The following NLRP5 variants were observed in gnomAD, a reference collection of about 807,000 sequenced individuals.
NLRP5 encodes the protein NLR family pyrin domain containing 5, also known as NACHT, LRR and PYD domains-containing protein 5.
In NLRP5, 93 loss-of-function variants were observed where a neutral mutation model predicts 113.1. That is an observed-to-expected ratio of 0.82 (90% CI 0.70 to 0.98). NLRP5 has a LOEUF of 0.98. NLRP5 is among the 50% of genes least tolerant of loss of function. The probability of loss-of-function intolerance (pLI) is 0.00; values close to 1 mark genes in which losing one functional copy is unlikely to be tolerated. For missense variants in NLRP5, 1,808 were observed against 1,514.3 expected (o/e 1.19, Z -3.22); for synonymous variants, 751 against 600.7 (o/e 1.25, Z -3.66).
At chr19:56,017,537 G>C (rs938067590) in intron 4 of NLRP5, among the ~76,000 whole-genome samples, 1 of 151,986 alleles carries the variant, frequency 6.6e-6, no homozygotes, top group African/African-American at 2.4e-5. Context: ...GTTGAGGATC[G>C]TGTGGCTTCA....
At chr19:56,020,683 C>T (rs1982579507) in intron 6 of NLRP5, among the ~76,000 whole-genome samples, 1 of 150,238 alleles carries the variant, frequency 6.7e-6, no homozygotes. Context: ...CTAGGGGACT[C>T]GAATCAATCA....
rs755509701 is a variant in NLRP5, at chr19:56,032,628, T to A, written c.2294T>A (p.Leu765His). 10 of 1,613,424 alleles carry A rather than the reference T, an allele frequency of 6.2e-6. No individual in the cohort carries two copies. Among genetic ancestry groups the A allele is most frequent in the African/African-American group, 1.3e-5 (1 of 74,886 alleles). The change falls in exon 8 of 15, where the codon CTC (leucine) becomes CAC (histidine). Residue 765 changes from leucine (L) to histidine (H), a missense_variant. Coordinates refer to ENST00000390649, the MANE Select transcript of NLRP5 (RefSeq NM_153447.4). ...TGACATAGGATGCGGGATAAGACCC[T>A]CATTGAGGAGCAGTGGGAAGATTTC...
chr19:56,040,985 C>T lies in NLRP5; in HGVS notation c.2850C>T (p.Asn950=). The T allele has an allele frequency of 2.5e-6, 4 of 1,613,960 alleles. No homozygotes were observed. Among genetic ancestry groups the T allele is most frequent in the Non-Finnish European group, 3.4e-6 (4 of 1,179,870 alleles). The change falls in exon 11 of 15, where the codon AAC becomes AAT. Residue 950 remains asparagine (N), a synonymous_variant. Coordinates refer to ENST00000390649, the MANE Select transcript of NLRP5 (RefSeq NM_153447.4). ...GTCTGGCCTCAGCCCTCGTCAGCAA[C>T]CGGAGCTTGACACACCTGTGCCTAT...
chr19:56,032,653 C>T lies in NLRP5; in HGVS notation c.2319C>T (p.Phe773=), dbSNP rs1301806780. The change falls in exon 8 of 15, where the codon TTC becomes TTT. Residue 773 remains phenylalanine, a synonymous_variant. Coordinates refer to ENST00000390649, the MANE Select transcript of NLRP5 (RefSeq NM_153447.4). ...TCATTGAGGAGCAGTGGGAAGATTT[C>T]TGCTCCATGCTTGGCACCCACCCAC... The T allele has an allele frequency of 1.2e-6, 2 of 1,613,818 alleles. No homozygotes were observed. The highest frequency in any genetic ancestry group is 1.7e-6 in the Non-Finnish European group (2 of 1,179,822).
rs754954296 is a variant in NLRP5 at position 56,058,236 on chromosome 19, G to T, written c.3300-4G>T. On this transcript the variant is annotated splice_polypyrimidine_tract_variant and splice_region_variant and intron_variant, in intron 13 of 14. Transcript: ENST00000390649. ...GTTATTTTCTGGGTGTCCTGACCCT[G>T]CAGGTTGAAGGCATGTGGACTGACT... 7 of 1,611,456 alleles carry T rather than the reference G, an allele frequency of 4.3e-6. No individual in the cohort carries two copies. In the South Asian group the frequency reaches 4.4e-5, roughly 10 times the overall value.
chr19:56,009,032 C>T (rs1982068176), intron 3 of NLRP5, among the ~76,000 whole-genome samples, 179 bp downstream of exon 3: 1 of 151,980 alleles, frequency 6.6e-6, no homozygotes, highest in Admixed American at 6.6e-5. Context: ...TTTCTCTTTC[C>T]AAGTTGAAGA....
At chr19:56,007,889 G>GTGTGTGTGTGTGCA (rs748749686) in intron 2 of NLRP5, among the ~76,000 whole-genome samples, 1 of 86,222 alleles carries the variant, frequency 1.2e-5, no homozygotes, top group African/African-American at 4.5e-5. Flanking sequence ...GTGTGTGTGT[G>GTGTGTGTGTGTGCA]CGCGTGCGCG....
intron 13 of NLRP5, 61 bp from the exon 14 acceptor site, chr19:56,058,179 G>T: frequency 8.0e-7 from 1 of 1,257,746 alleles, no homozygotes; most frequent in Non-Finnish European, 1.1e-6. Flanking sequence ...ATTCATACGG[G>T]TTGAATGAAG....
intron 12 of NLRP5, among the ~76,000 whole-genome samples, chr19:56,053,148 C>T (rs1983992358): frequency 6.6e-6 from 1 of 152,010 alleles, no homozygotes; most frequent in Non-Finnish European, 1.5e-5. Context: ...GTAATCCCAG[C>T]ACTTTGAGAG....
chr19:55,988,229 T>TAA, the NLRP5 span: 28,987 of 150,878 alleles, frequency 0.19, 3,279 homozygotes, highest in Middle Eastern at 0.26. Flanking sequence ...CCGCCTCTAC[T>TAA]AAAAAAAAAA....
At chr19:56,017,813 G>T (rs953655852) in intron 4 of NLRP5, among the ~76,000 whole-genome samples, 9 of 152,140 alleles carry the variant, frequency 5.9e-5, no homozygotes, top group African/African-American at 2.2e-4. Context: ...TACACCAAAA[G>T]CTTAGTCGTT....
At chr19:56,054,216 G>T (rs1241545568) in intron 13 of NLRP5, among the ~76,000 whole-genome samples, 1 of 152,110 alleles carries the variant, frequency 6.6e-6, no homozygotes, top group South Asian at 2.1e-4. Context: ...CCAGCCAGGG[G>T]CTTAAGACAG....
At chr19:55,987,931 C>T in the NLRP5 span, 76 of 1,573,888 alleles carry the variant, frequency 4.8e-5, no homozygotes, top group Admixed American at 2.2e-4. Flanking sequence ...AGTCATCTTT[C>T]TCTGGGGCTT....
In NLRP5 at chr19:56,038,176, T is replaced by G. The variant is rs1983389142; in HGVS notation, c.2767T>G (p.Cys923Gly). Reference sequence around the variant, plus strand: ...CAGTGATGCCTTGAGAGTCTCCCAGTGCGCCCTGCAGAAGCTGATGTGAGT... The same window carrying G: ...CAGTGATGCCTTGAGAGTCTCCCAGGGCGCCCTGCAGAAGCTGATGTGAGT... Residue 923 changes from cysteine (C) to glycine (G), a missense_variant, in exon 10 of 15, where the codon TGC (cysteine) becomes GGC (glycine). Cys to Gly is a radical substitution (Grantham distance 159, BLOSUM62 -3). Transcript: ENST00000390649. 3.1e-6 allele frequency: 5 copies of G among 1,613,706 alleles called. No individual in the cohort carries two copies.
upstream of NLRP5, among the ~76,000 whole-genome samples, chr19:55,994,883 G>C (rs1185535276): frequency 6.6e-6 from 1 of 152,148 alleles, no homozygotes; most frequent in African/African-American, 2.4e-5. Flanking sequence ...ATTATTTCAA[G>C]TCTTATGTTT....
intron 14 of NLRP5, among the ~76,000 whole-genome samples, chr19:56,059,204 A>T (rs760834880): frequency 3.3e-5 from 5 of 152,204 alleles, no homozygotes; most frequent in Admixed American, 6.5e-5. Context: ...TCAGTAGCTC[A>T]CACACATCAT....
At chr19:55,995,262 G>A (rs774621164), upstream of NLRP5, among the ~76,000 whole-genome samples, 60 of 152,240 alleles carry the variant, frequency 3.9e-4, no homozygotes, top group Non-Finnish European at 6.5e-4. Flanking sequence ...TAATGCAAAC[G>A]ATGAGTTCAT....
intron 3 of NLRP5, among the ~76,000 whole-genome samples, chr19:56,011,286 A>G (rs193280000): frequency 2.6e-5 from 4 of 152,288 alleles, no homozygotes; most frequent in African/African-American, 7.2e-5. Context: ...AATGTCTAGA[A>G]TCGGCAAATC....
chr19:56,017,452 A>C (rs1212692890), intron 4 of NLRP5, among the ~76,000 whole-genome samples: 1 of 152,122 alleles, frequency 6.6e-6, no homozygotes, highest in Non-Finnish European at 1.5e-5. Context: ...CTCTACCTAC[A>C]CGCTGTAAAT....
Sources: gnomAD v4.1 joint callset for allele counts (sites outside exome capture counted in the v4.1 genomes callset) on GRCh38, gnomAD v4.1.1 for gene constraint, MANE v1.5 for transcripts, NCBI Gene and HGNC (gene_info 2026-07-23, HGNC 2026-07-21) for gene names.